THBS4: variants seen among roughly 807,000 people sequenced by gnomAD.
The protein encoded by THBS4 is thrombospondin-4.
Under a neutral mutation model 115.7 loss-of-function variants are expected in THBS4, and 90 were observed. That is an observed-to-expected ratio of 0.78 (90% CI 0.66 to 0.93). THBS4 has a LOEUF of 0.93. THBS4 is among the 40% of genes least tolerant of loss of function. The probability of loss-of-function intolerance (pLI) is 0.00; values close to 1 mark genes in which losing one functional copy is unlikely to be tolerated. For synonymous variants in THBS4, 460 were observed against 479.3 expected, an observed-to-expected ratio of 0.96 and a Z score of 0.53; for missense variants, 1,087 against 1,232.7, an observed-to-expected ratio of 0.88 and a Z score of 1.77.
At chr5:80,019,584 GACAA>G (rs1832320435) in intron 2 of THBS4, 1 of 152,438 alleles carries the variant, frequency 6.6e-6, no homozygotes, top group Non-Finnish European at 1.5e-5. Context: ...CTTTCAAACA[GACAA>G]ACAAAAAAAG....
At chr5:80,032,976 A>G (rs1024110545), upstream of THBS4, among the ~76,000 whole-genome samples, 2 of 152,190 alleles carry the variant, frequency 1.3e-5, no homozygotes, top group Non-Finnish European at 2.9e-5. Context: ...GAAAATTCCT[A>G]GTTTTTTTGT....
At position 80,055,896 on chromosome 5, in the gene THBS4, A is replaced by G; in HGVS notation, c.404A>G (p.Gln135Arg). ...ATCCTCCTGAGGCTGAGCAATTTGC[A>G]GCGAGGGGCCGGCTCCCTAGAGCTC... is the stretch of plus-strand genomic sequence containing the variant. ...HRILLRLSNLQRGAGSLELYL... is the reference protein window; with the variant it reads ...HRILLRLSNLRRGAGSLELYL... The change falls in exon 3 of 22, where the codon CAG becomes CGG. Residue 135 changes from glutamine (Q) to arginine (R), a missense_variant. Physicochemically the swap from Gln to Arg is conservative, Grantham distance 43. Transcript: ENST00000350881. 1 of 1,614,202 alleles carries G rather than the reference A, an allele frequency of 6.2e-7. No individual in the cohort carries two copies. The highest frequency in any genetic ancestry group is 8.5e-7 in the Non-Finnish European group (1 of 1,180,012).
intron 1 of THBS4, among the ~76,000 whole-genome samples, chr5:80,038,708 A>C (rs1832795802): frequency 6.6e-6 from 1 of 152,204 alleles, no homozygotes; most frequent in Non-Finnish European, 1.5e-5. Flanking sequence ...CTAGTGTCTA[A>C]TATTCTTGTA....
intron 10 of THBS4, chr5:80,068,395 C>T: frequency 2.5e-6 from 1 of 393,942 alleles, no homozygotes; most frequent in Non-Finnish European, 4.7e-6. Flanking sequence ...CGGTGAAGCC[C>T]CAGCTCCCAA....
At chr5:80,064,793 C>A (rs1387960228) in intron 8 of THBS4, among the ~76,000 whole-genome samples, 1 of 151,812 alleles carries the variant, frequency 6.6e-6, no homozygotes, top group African/African-American at 2.4e-5. Flanking sequence ...GTAAAACAGA[C>A]AAATAAAACT....
intron 2 of THBS4, among the ~76,000 whole-genome samples, chr5:80,029,306 T>A (rs1414573740): frequency 6.6e-6 from 1 of 152,224 alleles, no homozygotes; most frequent in Non-Finnish European, 1.5e-5. Flanking sequence ...ATCATTGTTA[T>A]CATTAGACAT....
At chr5:80,026,017 T>G (rs966260108) in intron 2 of THBS4, among the ~76,000 whole-genome samples, 1 of 152,226 alleles carries the variant, frequency 6.6e-6, no homozygotes, top group Non-Finnish European at 1.5e-5. Context: ...CATTTTTAAC[T>G]GACATGCATG....
intron 8 of THBS4, among the ~76,000 whole-genome samples, chr5:80,063,004 T>C (rs1833693697): frequency 6.6e-6 from 1 of 152,260 alleles, no homozygotes; most frequent in Admixed American, 6.5e-5. Flanking sequence ...TACGTGTCCA[T>C]GTGTCTTTAT....
intron 10 of THBS4, chr5:80,068,883 A>G (rs1057236014): frequency 4.6e-5 from 7 of 153,290 alleles, no homozygotes; most frequent in African/African-American, 1.7e-4. Context: ...CCATTCCCAA[A>G]TCCAAGGATC....
intron 2 of THBS4, among the ~76,000 whole-genome samples, chr5:80,022,410 A>G (rs748659626): frequency 2.6e-5 from 4 of 152,244 alleles, no homozygotes; most frequent in East Asian, 1.9e-4. Flanking sequence ...TTTTCTTCCA[A>G]TTCTTGCAGA....
At chr5:79,995,237 T>C (rs568596398) in intron 1 of THBS4, among the ~76,000 whole-genome samples, 19 of 152,210 alleles carry the variant, frequency 1.2e-4, no homozygotes, top group Admixed American at 5.2e-4. Flanking sequence ...GGATGGGAGG[T>C]AGACAGCTAT....
At chr5:80,045,527 GA>G (rs1833034007) in intron 2 of THBS4, among the ~76,000 whole-genome samples, 1 of 150,472 alleles carries the variant, frequency 6.6e-6, no homozygotes, top group South Asian at 2.1e-4. Context: ...AATATTTATG[GA>G]GTCTTTTTTT....
At chr5:80,075,756 C>T (rs1014801536) in intron 15 of THBS4, among the ~76,000 whole-genome samples, 3 of 152,200 alleles carry the variant, frequency 2.0e-5, no homozygotes, top group African/African-American at 4.8e-5. Flanking sequence ...CTACATAGAA[C>T]GGCTGCTAAT....
At chr5:80,038,050 GTAAA>G (rs1832772538) in intron 1 of THBS4, among the ~76,000 whole-genome samples, 1 of 152,090 alleles carries the variant, frequency 6.6e-6, no homozygotes, top group Non-Finnish European at 1.5e-5. Flanking sequence ...TTTAAAAGGG[GTAAA>G]TATTCTTGAG....
chr5:80,067,838 A>C (rs1381830373), intron 9 of THBS4, 135 bp from the exon 10 acceptor site: 1 of 967,074 alleles, frequency 1.0e-6, no homozygotes, highest in Non-Finnish European at 1.5e-6. Context: ...TAAGCAAAGA[A>C]GAAGGCATGG....
chr5:80,074,438 T>G (rs1439100768), intron 15 of THBS4: 2 of 152,196 alleles, frequency 1.3e-5, no homozygotes, highest in Non-Finnish European at 2.9e-5. Context: ...TAAACCCTTT[T>G]GTCTCCATAG....
chr5:80,057,543 G>GA (rs1410866016), intron 3 of THBS4, among the ~76,000 whole-genome samples: 1 of 152,168 alleles, frequency 6.6e-6, no homozygotes, highest in Admixed American at 6.5e-5. Flanking sequence ...GAATTCCTCT[G>GA]AAAATCCTTA....
At chr5:79,992,329 G>C (rs561329882) in intron 1 of THBS4, among the ~76,000 whole-genome samples, 1 of 152,296 alleles carries the variant, frequency 6.6e-6, no homozygotes, top group East Asian at 1.9e-4. Flanking sequence ...ATGCCTCTGA[G>C]TTCTTTCCTC....
At position 80,040,130 on chromosome 5, in the gene THBS4, C is replaced by T. The variant is rs780996876; in HGVS notation, c.142C>T (p.Pro48Ser). ...GAGGCTAAACCCAGGCGCTCTGCTG[C>T]CAGTCCTGACAGACCCCGCCCTGAA... ...SQRLNPGALL[P>S]VLTDPALNDL... Residue 48 changes from proline to serine, a missense_variant, in exon 2 of 22, where the codon CCA becomes TCA. Around this residue, in one of 3 missense-constraint regions of THBS4, gnomAD observed 979 missense variants for 1,103.7 expected, o/e 0.89. Transcript: ENST00000350881. 2 of 1,614,116 alleles carry T rather than the reference C, an allele frequency of 1.2e-6. No homozygotes were observed. The highest frequency in any genetic ancestry group is 1.7e-6 in the Non-Finnish European group (2 of 1,180,030).
Sources: allele counts gnomAD v4.1 joint callset (sites outside exome capture counted in the v4.1 genomes callset), GRCh38; gene constraint gnomAD v4.1.1; regional missense constraint gnomAD v4.1.1; transcripts MANE v1.5; gene names NCBI Gene and HGNC (gene_info 2026-07-23, HGNC 2026-07-21).